The following CNTNAP2 variants were observed in gnomAD, a reference collection of about 807,000 sequenced individuals.
CNTNAP2 encodes contactin-associated protein-like 2.
Under a neutral mutation model 155.2 loss-of-function variants are expected in CNTNAP2, and 98 were observed. The observed-to-expected ratio is 0.63, with a 90% CI of 0.54 to 0.75. The LOEUF is 0.75. Among genes scored for constraint, CNTNAP2 ranks in the 30% least tolerant of loss-of-function variants. CNTNAP2 has a pLI of 0.00. For missense variants in CNTNAP2, 1,727 were observed against 1,688.1 expected, an observed-to-expected ratio of 1.02 and a Z score of -0.40; for synonymous variants, 651 against 631.2, an observed-to-expected ratio of 1.03 and a Z score of -0.47.
chr7:147,732,328 G>T (rs1796757148), intron 13 of CNTNAP2, among the ~76,000 whole-genome samples: 1 of 151,992 alleles, frequency 6.6e-6, no homozygotes, highest in African/African-American at 2.4e-5. Flanking sequence ...CAGAATGATG[G>T]TTTGCAGCTT....
At chr7:147,452,684 C>A (rs1271029287) in intron 10 of CNTNAP2, among the ~76,000 whole-genome samples, 1 of 152,074 alleles carries the variant, frequency 6.6e-6, no homozygotes, top group East Asian at 1.9e-4. Flanking sequence ...AAGAATTCAC[C>A]TTTTGGTGTA....
chr7:147,432,471 G>T (rs562087329), intron 10 of CNTNAP2, among the ~76,000 whole-genome samples: 1 of 152,280 alleles, frequency 6.6e-6, no homozygotes, highest in South Asian at 2.1e-4. Flanking sequence ...CAAAGTGTAT[G>T]ACATTAAGTA....
intron 1 of CNTNAP2, among the ~76,000 whole-genome samples, chr7:146,512,940 C>G (rs1204899182): frequency 3.3e-5 from 5 of 151,844 alleles, no homozygotes; most frequent in Non-Finnish European, 7.4e-5. Context: ...TTTAGATCTA[C>G]TAATATTTGT....
intron 11 of CNTNAP2, among the ~76,000 whole-genome samples, chr7:147,516,166 T>C (rs1799122625): frequency 6.6e-6 from 1 of 152,190 alleles, no homozygotes; most frequent in Admixed American, 6.5e-5. Context: ...TATAATGTGA[T>C]TGCCAAAAAA....
intron 18 of CNTNAP2, among the ~76,000 whole-genome samples, chr7:148,176,988 A>C (rs1238185187): frequency 3.3e-5 from 5 of 152,182 alleles, no homozygotes; most frequent in Admixed American, 3.3e-4. Context: ...GAATTCTATA[A>C]TTATCAATGT....
At chr7:146,458,703 A>G (rs966140239) in intron 1 of CNTNAP2, among the ~76,000 whole-genome samples, 11 of 152,064 alleles carry the variant, frequency 7.2e-5, no homozygotes, top group Non-Finnish European at 2.9e-5. Flanking sequence ...GGTATTTGGG[A>G]GGAGACTGAT....
chr7:147,198,232 C>CT lies in CNTNAP2; in HGVS notation c.1348+65744dup, dbSNP rs71525992. 9.7e-3 allele frequency among the ~76,000 whole-genome samples: 1,100 copies of CT among 113,040 alleles called. 18 individuals are homozygous for CT. Among genetic ancestry groups the CT allele is most frequent in the Middle Eastern group, 0.014 (2 of 144 alleles). The allele number at this position is 113,040 out of a possible 152,430, so 74.2% of individuals were successfully genotyped here. On this transcript the variant is annotated intron_variant, in intron 8 of 23. Transcript: ENST00000361727. ...GCCAGCATAGTTGGTTTCCAATATC[C>CT]TTTTTTTTTTTTTTTTTTTTTGAGA...
chr7:146,480,958 G>A (rs1796952101), intron 1 of CNTNAP2, among the ~76,000 whole-genome samples: 1 of 151,884 alleles, frequency 6.6e-6, no homozygotes, highest in Admixed American at 6.6e-5. Context: ...GGTACCACAG[G>A]CATGAGCCAC....
At chr7:146,286,500 CA>C (rs903351844) in intron 1 of CNTNAP2, among the ~76,000 whole-genome samples, 7 of 152,006 alleles carry the variant, frequency 4.6e-5, no homozygotes, top group Middle Eastern at 3.2e-3. Context: ...AGCAATTTAC[CA>C]AATCATTAAG....
intron 8 of CNTNAP2, among the ~76,000 whole-genome samples, chr7:147,287,627 C>A (rs1235594593): frequency 1.3e-5 from 2 of 152,090 alleles, no homozygotes; most frequent in Admixed American, 1.3e-4. Flanking sequence ...TCATGACATA[C>A]GATTTGTATC....
intron 2 of CNTNAP2, among the ~76,000 whole-genome samples, chr7:146,804,564 A>G (rs908637006): frequency 3.9e-5 from 6 of 152,198 alleles, no homozygotes; most frequent in African/African-American, 9.6e-5. Context: ...ATGAGATGTT[A>G]GTCCTATCAC....
At chr7:147,744,667 C>T (rs373063258) in intron 13 of CNTNAP2, among the ~76,000 whole-genome samples, 8 of 152,176 alleles carry the variant, frequency 5.3e-5, no homozygotes, top group East Asian at 3.9e-4. Context: ...TCAAAGTACC[C>T]TCAGGGTTGT....
At chr7:147,027,018 C>CAAAAAAAAAAAAAAAA (rs1297907328) in intron 3 of CNTNAP2, among the ~76,000 whole-genome samples, 2 of 101,428 alleles carry the variant, frequency 2.0e-5, no homozygotes, top group African/African-American at 4.8e-5. Flanking sequence ...AAAAAAAAAA[C>CAAAAAAAAAAAAAAAA]AAAAAAAAGA....
chr7:148,146,222 TGATG>T (rs1329069813), intron 16 of CNTNAP2, among the ~76,000 whole-genome samples: 1 of 152,240 alleles, frequency 6.6e-6, no homozygotes, highest in Non-Finnish European at 1.5e-5. Flanking sequence ...GAAAGCTTAT[TGATG>T]GACAGAGGGG....
At chr7:147,933,126 C>T (rs1800536268) in intron 14 of CNTNAP2, among the ~76,000 whole-genome samples, 1 of 151,574 alleles carries the variant, frequency 6.6e-6, no homozygotes, top group Non-Finnish European at 1.5e-5. Flanking sequence ...GTCTCCCAGG[C>T]TGGATGGCTA....
At position 146,734,929 on chromosome 7, in the gene CNTNAP2, T is replaced by C. The variant is rs144449703; in HGVS notation, c.98-39342T>C. ...CTGGAGTGTTCACAAAATCTATTTT[T>C]ATTTTCTGAAGGAGTACAGCGTGTA... On this transcript the variant is annotated intron_variant, in intron 1 of 23. Coordinates refer to ENST00000361727, the MANE Select transcript of CNTNAP2 (RefSeq NM_014141.6). 8.4e-3 allele frequency among the ~76,000 whole-genome samples: 1,283 copies of C among 152,286 alleles called. 21 individuals carry two copies. Among genetic ancestry groups the C allele is most frequent in the African/African-American group, 0.029 (1,199 of 41,558 alleles).
intron 1 of CNTNAP2, among the ~76,000 whole-genome samples, chr7:146,532,516 G>A (rs924280311): frequency 6.6e-6 from 1 of 152,066 alleles, no homozygotes; most frequent in Admixed American, 6.6e-5. Flanking sequence ...TATGTGATAT[G>A]ACTCTCAGAA....
At chr7:148,192,486 C>T (rs1192755353) in intron 18 of CNTNAP2, among the ~76,000 whole-genome samples, 2 of 151,502 alleles carry the variant, frequency 1.3e-5, no homozygotes, top group African/African-American at 4.9e-5. Flanking sequence ...ATTTTTTCCC[C>T]TCCCTCAAAG....
chr7:147,822,487 T>C (rs1798377350), intron 13 of CNTNAP2, among the ~76,000 whole-genome samples: 1 of 152,198 alleles, frequency 6.6e-6, no homozygotes, highest in African/African-American at 2.4e-5. Context: ...ATTGCAAGTT[T>C]CCACTGAAAT....
Sources: gnomAD v4.1 joint callset for allele counts (sites outside exome capture counted in the v4.1 genomes callset) on GRCh38, gnomAD v4.1.1 for gene constraint, MANE v1.5 for transcripts, NCBI Gene and HGNC (gene_info 2026-07-23, HGNC 2026-07-21) for gene names.